The following THNSL1 variants were observed in gnomAD, a reference collection of about 807,000 sequenced individuals.
THNSL1 encodes the protein threonine synthase-like 1.
In THNSL1, 48 loss-of-function variants were observed where a neutral mutation model predicts 50.4. The observed-to-expected ratio is 0.95, with a 90% CI of 0.76 to 1.21. The LOEUF is 1.21. THNSL1 is among the 50% of genes most tolerant of loss of function. THNSL1 has a pLI of 0.00. For synonymous variants in THNSL1, 309 were observed against 306.1 expected, an observed-to-expected ratio of 1.01 and a Z score of -0.10; for missense variants, 896 against 871.7, an observed-to-expected ratio of 1.03 and a Z score of -0.35.
upstream of THNSL1, chr10:25,015,819 C>T (rs958291492): frequency 1.3e-6 from 2 of 1,545,448 alleles, no homozygotes; most frequent in Admixed American, 2.0e-5. Flanking sequence ...TGAGTATTCC[C>T]CATTCTTGTT....
rs377596403 is a variant in THNSL1 at position 25,023,187 on chromosome 10, A to G, written c.-37A>G. ...TGTGTTTTGAAAAGGGCTAAAGCCA[A>G]TTTTTAGGTTGGCTTGGGCAGAAAA... On this transcript the variant is annotated 5_prime_UTR_variant, in exon 3 of 3. Transcript: ENST00000376356. 15 of 1,568,590 alleles carry G rather than the reference A, an allele frequency of 9.6e-6. No individual in the cohort carries two copies. The highest frequency in any genetic ancestry group is 2.7e-5 in the African/African-American group (2 of 72,958).
At chr10:24,981,667 C>T in the THNSL1 span, among the ~76,000 whole-genome samples, 51 of 152,276 alleles carry the variant, frequency 3.3e-4, no homozygotes, top group African/African-American at 1.2e-3. Flanking sequence ...TATGCTGTTA[C>T]GCACGTATTG....
chr10:24,968,531 A>G, the THNSL1 span, among the ~76,000 whole-genome samples: 1 of 152,114 alleles, frequency 6.6e-6, no homozygotes, highest in Admixed American at 6.5e-5. Flanking sequence ...GTGGTGCCGT[A>G]CTTAGACCTG....
At chr10:24,958,745 T>A in the THNSL1 span, among the ~76,000 whole-genome samples, 12 of 152,176 alleles carry the variant, frequency 7.9e-5, no homozygotes, top group African/African-American at 2.2e-4. Context: ...ACACAGAGGG[T>A]AGATCTAAGT....
chr10:25,023,046 G>A (rs1850756464), intron 2 of THNSL1, 130 bp from the exon 3 acceptor site: 2 of 530,756 alleles, frequency 3.8e-6, no homozygotes, highest in East Asian at 3.2e-5. Flanking sequence ...CCATAAGTTT[G>A]GAAGATTTTT....
At chr10:24,994,416 C>G in the THNSL1 span, among the ~76,000 whole-genome samples, 2 of 151,634 alleles carry the variant, frequency 1.3e-5, no homozygotes, top group Non-Finnish European at 1.5e-5. Context: ...TCACTGCAAC[C>G]CCCGCCTCCT....
the THNSL1 span, among the ~76,000 whole-genome samples, chr10:24,972,554 G>T: frequency 1.3e-5 from 2 of 151,884 alleles, no homozygotes; most frequent in African/African-American, 2.4e-5. Context: ...ACTACTATTT[G>T]TCCTGGGAAA....
the THNSL1 span, among the ~76,000 whole-genome samples, chr10:24,976,381 T>C: frequency 4.6e-5 from 7 of 152,192 alleles, no homozygotes; most frequent in African/African-American, 1.7e-4. Context: ...ACCTCACCAC[T>C]GGGATAATGA....
the THNSL1 span, chr10:24,952,569 C>T: frequency 6.3e-7 from 1 of 1,584,000 alleles, no homozygotes; most frequent in Non-Finnish European, 8.6e-7. This position sits in a 1 kb window ranked among gnomAD's most constrained non-coding sequence, Gnocchi z 5.1. Flanking sequence ...TCGCTGCTCC[C>T]GGCCATGTTT....
the THNSL1 span, among the ~76,000 whole-genome samples, chr10:24,992,205 C>T: frequency 1.3e-5 from 2 of 152,114 alleles, no homozygotes; most frequent in Non-Finnish European, 2.9e-5. Context: ...GCAAAGTTTC[C>T]GTCTTCAGGG....
At chr10:25,014,512 AT>A (rs1029313078), upstream of THNSL1, among the ~76,000 whole-genome samples, 13 of 151,414 alleles carry the variant, frequency 8.6e-5, no homozygotes, top group African/African-American at 2.2e-4. Flanking sequence ...GTTCCTATAA[AT>A]TTTTTTTGAA....
At chr10:25,011,668 C>A (rs919987274), upstream of THNSL1, among the ~76,000 whole-genome samples, 1 of 152,148 alleles carries the variant, frequency 6.6e-6, no homozygotes. Flanking sequence ...AGGATATAGG[C>A]ATGGGCAAGG....
intron 1 of THNSL1, among the ~76,000 whole-genome samples, chr10:25,017,414 G>T (rs1223591014): frequency 6.6e-6 from 1 of 152,084 alleles, no homozygotes; most frequent in Non-Finnish European, 1.5e-5. Flanking sequence ...AGGCCACTCT[G>T]CCCGAAGGAA....
the THNSL1 span, among the ~76,000 whole-genome samples, chr10:25,005,894 T>C: frequency 6.6e-6 from 1 of 152,232 alleles, no homozygotes; most frequent in South Asian, 2.1e-4. Flanking sequence ...AGTATGTAGT[T>C]AATGTATTCA....
chr10:24,956,197 G>C, the THNSL1 span, among the ~76,000 whole-genome samples: 2 of 151,546 alleles, frequency 1.3e-5, no homozygotes, highest in African/African-American at 4.9e-5. Context: ...TGGGAAAATT[G>C]CATGTCGCAG....
At chr10:24,998,358 C>CCTCT in the THNSL1 span, among the ~76,000 whole-genome samples, 119 of 117,404 alleles carry the variant, frequency 1.0e-3, no homozygotes, top group Middle Eastern at 4.2e-3. Flanking sequence ...TTCCTTCCTT[C>CCTCT]CTCTCTCTCT....
the THNSL1 span, among the ~76,000 whole-genome samples, chr10:24,975,071 C>T: frequency 6.6e-6 from 1 of 152,054 alleles, no homozygotes; most frequent in Non-Finnish European, 1.5e-5. Flanking sequence ...AGCATTTGTC[C>T]AGATTAAACC....
chr10:25,002,898 T>C, the THNSL1 span, among the ~76,000 whole-genome samples: 1 of 151,840 alleles, frequency 6.6e-6, no homozygotes, highest in Admixed American at 6.6e-5. Flanking sequence ...GGTCTCGTGA[T>C]TAATAAGATA....
chr10:24,967,483 T>A, the THNSL1 span, among the ~76,000 whole-genome samples: 91 of 152,360 alleles, frequency 6.0e-4, no homozygotes, highest in Middle Eastern at 3.4e-3. Flanking sequence ...CTTCTCTTTC[T>A]TTCAGTGAAG....
Sources: allele counts gnomAD v4.1 joint callset (sites outside exome capture counted in the v4.1 genomes callset), GRCh38; gene constraint gnomAD v4.1.1; non-coding constraint Gnocchi (gnomAD v3.1); transcripts MANE v1.5; gene names NCBI Gene and HGNC (gene_info 2026-07-23, HGNC 2026-07-21).